PIGN: variants seen among roughly 807,000 people sequenced by gnomAD.
PIGN encodes GPI ethanolamine phosphate transferase 1.
A neutral mutation model predicts 125.4 loss-of-function variants in PIGN; 117 were observed. That is an observed-to-expected ratio of 0.93 (90% CI 0.80 to 1.09). The LOEUF (loss-of-function observed/expected upper bound fraction) is 1.09, where lower values mean the gene tolerates loss of function less well. PIGN is among the 50% of genes least tolerant of loss of function. PIGN has a pLI of 0.00. For missense variants in PIGN, 1,075 were observed against 1,094.9 expected (o/e 0.98, Z 0.26); for synonymous variants, 392 against 377.8 (o/e 1.04, Z -0.44).
intron 30 of PIGN, chr18:62,069,400 G>T (rs1314044340): frequency 6.6e-6 from 1 of 152,128 alleles, no homozygotes; most frequent in African/African-American, 2.4e-5. Flanking sequence ...GTTCACAGCA[G>T]CATTATTTAC....
chr18:62,081,406 G>C (rs1014157645), intron 28 of PIGN, among the ~76,000 whole-genome samples: 1 of 152,116 alleles, frequency 6.6e-6, no homozygotes, highest in African/African-American at 2.4e-5. Context: ...TTCAATGTGT[G>C]ACATTAAATT....
At chr18:62,162,824 AT>A (rs1168253867) in intron 2 of PIGN, among the ~76,000 whole-genome samples, 1 of 152,096 alleles carries the variant, frequency 6.6e-6, no homozygotes, top group African/African-American at 2.4e-5. Flanking sequence ...ACTGTCCTTA[AT>A]TTTTTTAAAA....
chr18:62,089,285 G>T (rs2033853140), intron 24 of PIGN, among the ~76,000 whole-genome samples: 1 of 152,034 alleles, frequency 6.6e-6, no homozygotes, highest in South Asian at 2.1e-4. Flanking sequence ...TATTTGCAGA[G>T]AAATTTTCTT....
At chr18:62,169,520 C>T (rs986958976) in intron 1 of PIGN, among the ~76,000 whole-genome samples, 1 of 152,108 alleles carries the variant, frequency 6.6e-6, no homozygotes, top group African/African-American at 2.4e-5. Flanking sequence ...CTGCCTTGGA[C>T]TCCCAAAGTG....
chr18:62,086,420 C>A (rs990930523), intron 25 of PIGN, among the ~76,000 whole-genome samples: 2 of 151,870 alleles, frequency 1.3e-5, no homozygotes, highest in African/African-American at 4.8e-5. Context: ...AGATCAAGAC[C>A]ATCCTGGCCA....
intron 23 of PIGN, among the ~76,000 whole-genome samples, chr18:62,091,152 G>C (rs1324940728): frequency 6.6e-6 from 1 of 152,122 alleles, no homozygotes; most frequent in South Asian, 2.1e-4. Context: ...GTCGAGACCA[G>C]TCTGGCCAGC....
rs984897173 is a variant in PIGN, at chr18:62,041,654, T to G, written c.*4202A>C. 14 of 134,308 alleles carry G rather than the reference T, an allele frequency of 1.0e-4. No individual in the cohort carries two copies. Among genetic ancestry groups the G allele is most frequent in the Admixed American group, 2.2e-4 (3 of 13,590 alleles). The allele number at this position is 134,308 out of a possible 1,614,324, so 8.3% of individuals were successfully genotyped here. ...CCACCCCGCCGGGTGTGTGTGTGTG[T>G]GTGTGTGTGTGTGTGTGTGTGTGTG... On this transcript the variant is annotated 3_prime_UTR_variant, in exon 31 of 31. Coordinates refer to ENST00000640252, the MANE Select transcript of PIGN (RefSeq NM_176787.5).
intron 1 of PIGN, among the ~76,000 whole-genome samples, chr18:62,169,478 T>TA (rs1457981413): frequency 6.6e-6 from 1 of 152,160 alleles, no homozygotes; most frequent in Non-Finnish European, 1.5e-5. Flanking sequence ...TTATTATTTT[T>TA]TTTTTGAAAC....
chr18:62,122,496 G>A (rs1043235532), intron 14 of PIGN, among the ~76,000 whole-genome samples: 7 of 152,078 alleles, frequency 4.6e-5, no homozygotes, highest in African/African-American at 9.6e-5. Flanking sequence ...TTGCTTCTAG[G>A]TTGATAGCAC....
chr18:62,170,512 C>T (rs2037313234), intron 1 of PIGN, among the ~76,000 whole-genome samples: 1 of 152,178 alleles, frequency 6.6e-6, no homozygotes, highest in Non-Finnish European at 1.5e-5. Context: ...AGACAGCAAA[C>T]TTAATAAATG....
At chr18:62,125,041 A>G (rs1323655840) in intron 14 of PIGN, among the ~76,000 whole-genome samples, 1 of 144,560 alleles carries the variant, frequency 6.9e-6, no homozygotes, top group Non-Finnish European at 1.5e-5. Context: ...TTATATATAA[A>G]TATACAATTT....
chr18:62,037,751 G>C (rs2030279679), downstream of PIGN, among the ~76,000 whole-genome samples: 2 of 152,168 alleles, frequency 1.3e-5, no homozygotes, highest in Admixed American at 1.3e-4. Flanking sequence ...AGTGTTTGTT[G>C]CTTTTGCTGA....
At position 62,137,152 on chromosome 18, in the gene PIGN, T is replaced by A. The variant is rs2035963854; in HGVS notation, c.1172+1091A>T. 3 of 398,520 alleles carry A rather than the reference T, an allele frequency of 7.5e-6. No individual in the cohort carries two copies. In the Admixed American group the frequency reaches 1.3e-4, roughly 18 times the overall value. The allele number at this position is 398,520 out of a possible 1,614,324, so 24.7% of individuals were successfully genotyped here. On this transcript the variant is annotated intron_variant, in intron 14 of 30. Coordinates refer to ENST00000640252, the MANE Select transcript of PIGN (RefSeq NM_176787.5). ...GCAGAAGAATGTGGAATGAGCAGAC[T>A]TGCTGAGTTTTCCAGCCTCATATTT... is the stretch of plus-strand genomic sequence containing the variant.
At chr18:62,166,333 C>T (rs187731630) in intron 1 of PIGN, among the ~76,000 whole-genome samples, 215 of 152,344 alleles carry the variant, frequency 1.4e-3, no homozygotes, top group African/African-American at 4.8e-3. Context: ...TTCTTCTGAT[C>T]ACTCTGAAGT....
At position 62,147,050 on chromosome 18, in the gene PIGN, C is replaced by A; in HGVS notation, c.726G>T (p.Val242=). 6.2e-7 allele frequency: 1 copy of A among 1,609,664 alleles called. No homozygotes were observed. The highest frequency in any genetic ancestry group is 8.5e-7 in the Non-Finnish European group (1 of 1,176,622). Residue 242 remains valine (V), a synonymous_variant, in exon 9 of 31, where the codon GTG becomes GTT. Coordinates refer to ENST00000640252, the MANE Select transcript of PIGN (RefSeq NM_176787.5). ...TTCCATAGAAGTGGTTAAACATAGA[C>A]ACGATTTCTTTAACTCCATCATCAA... ...KKVDDGVKEI[V]SMFNHFYGND... is the part of the protein sequence containing the mutation.
At chr18:62,164,355 C>T (rs2037057528) in intron 1 of PIGN, among the ~76,000 whole-genome samples, 1 of 152,210 alleles carries the variant, frequency 6.6e-6, no homozygotes, top group South Asian at 2.1e-4. Flanking sequence ...GAAGAACCAT[C>T]TGAAACTGGG....
chr18:62,108,365 G>T (rs1255966187), intron 17 of PIGN, among the ~76,000 whole-genome samples: 1 of 151,904 alleles, frequency 6.6e-6, no homozygotes, highest in Non-Finnish European at 1.5e-5. Context: ...TAATTCAGGA[G>T]GGGTTCTGTA....
intron 23 of PIGN, among the ~76,000 whole-genome samples, chr18:62,091,606 C>A (rs1326353090): frequency 6.6e-6 from 1 of 152,066 alleles, no homozygotes; most frequent in Non-Finnish European, 1.5e-5. Context: ...ACATGTCCAC[C>A]GGGGAATGAT....
At chr18:62,072,817 C>A in intron 29 of PIGN, 92 bp from the exon 30 acceptor site, 1 of 897,940 alleles carries the variant, frequency 1.1e-6, no homozygotes. Context: ...TTTCAGATTT[C>A]TGACTCTAAG....
Sources: gnomAD v4.1 joint callset for allele counts (sites outside exome capture counted in the v4.1 genomes callset) on GRCh38, gnomAD v4.1.1 for gene constraint, MANE v1.5 for transcripts, NCBI Gene and HGNC (gene_info 2026-07-23, HGNC 2026-07-21) for gene names.